DPH1: variants seen among roughly 807,000 people sequenced by gnomAD.
The protein encoded by DPH1 is diphthamide biosynthesis 1, also known as 2-(3-amino-3-carboxypropyl)histidine synthase subunit 1.
In DPH1, 59 loss-of-function variants were observed where a neutral mutation model predicts 55.3. The observed-to-expected ratio is 1.07, with a 90% CI of 0.87 to 1.33. The LOEUF (loss-of-function observed/expected upper bound fraction) is 1.33. DPH1 is among the 40% of genes most tolerant of loss of function. The pLI, the probability that DPH1 is intolerant of heterozygous loss-of-function variation, is 0.00. For synonymous variants in DPH1, 238 were observed against 235.5 expected, an observed-to-expected ratio of 1.01 and a Z score of -0.10; for missense variants, 628 against 584.8, an observed-to-expected ratio of 1.07 and a Z score of -0.76.
intron 1 of DPH1, among the ~76,000 whole-genome samples, chr17:2,032,723 C>G (rs2067347083): frequency 6.6e-6 from 1 of 152,186 alleles, no homozygotes; most frequent in South Asian, 2.1e-4. Context: ...TGATGGCTTA[C>G]AAGCAAAGGG....
At position 2,033,827 on chromosome 17, in the gene DPH1, T is replaced by C; in HGVS notation, c.263T>C (p.Val88Ala). The C allele has an allele frequency of 6.2e-7, 1 of 1,614,150 alleles. No homozygotes were observed. The highest frequency in any genetic ancestry group is 8.5e-7 in the Non-Finnish European group (1 of 1,180,026). Residue 88 changes from valine (V) to alanine (A), a missense_variant, in exon 3 of 13, where the codon GTG becomes GCG. By Grantham distance (64) the Val-to-Ala change is moderately conservative. Coordinates refer to ENST00000263083, the MANE Select transcript of DPH1 (RefSeq NM_001383.6). ...EGLLLFACTI[V>A]DILERFTEAE... is the part of the protein sequence containing the mutation. ...CTCCTCCTCTTTGCCTGTACCATTGTGGATATCTTGGAAAGGTGAGGCTTG... is the reference window on the plus strand; with the variant it reads ...CTCCTCCTCTTTGCCTGTACCATTGCGGATATCTTGGAAAGGTGAGGCTTG...
intron 10 of DPH1, 123 bp from the exon 11 acceptor site, chr17:2,041,358 C>T (rs755430421): frequency 5.4e-6 from 8 of 1,484,806 alleles, no homozygotes; most frequent in South Asian, 1.3e-5. Flanking sequence ...CCCTGAACCA[C>T]ACAGTTCCCT....
At chr17:2,035,849 C>T (rs914224983) in intron 3 of DPH1, 121 bp from the exon 4 acceptor site, 12 of 1,459,374 alleles carry the variant, frequency 8.2e-6, no homozygotes, top group Admixed American at 2.0e-5. Flanking sequence ...GCTGCCATCC[C>T]GAGGAACTGG....
At chr17:2,035,084 CAG>C (rs2067392642) in intron 3 of DPH1, 2 of 151,972 alleles carry the variant, frequency 1.3e-5, no homozygotes, top group Admixed American at 1.3e-4. Flanking sequence ...GGGTGACTAG[CAG>C]GAGCTCAACT....
intron 10 of DPH1, 115 bp from the exon 11 acceptor site, chr17:2,041,366 C>T (rs1406262263): frequency 2.0e-6 from 3 of 1,490,776 alleles, no homozygotes; most frequent in South Asian, 2.6e-5. Context: ...CACACAGTTC[C>T]CTTCTGTGGC....
intron 1 of DPH1, among the ~76,000 whole-genome samples, chr17:2,031,988 G>A (rs2067338189): frequency 6.6e-6 from 1 of 152,086 alleles, no homozygotes; most frequent in African/African-American, 2.4e-5. Context: ...ATCCTTCCTG[G>A]TTTAAGAGTA....
In DPH1 at chr17:2,042,990, G is replaced by A. The variant is rs1567550800; in HGVS notation, c.*404G>A. On this transcript the variant is annotated 3_prime_UTR_variant, in exon 13 of 13. Transcript: ENST00000263083. ...TCCCCTCTCAGGAGAGTGTGCAACT[G>A]GCCAGCCAATTTCCCGGAGCCATCA... is the stretch of plus-strand genomic sequence containing the variant. The A allele has an allele frequency of 8.7e-6, 14 of 1,614,090 alleles. No individual in the cohort carries two copies. The highest frequency in any genetic ancestry group is 1.3e-5 in the African/African-American group (1 of 75,046).
chr17:2,040,923 A>T, intron 9 of DPH1, 180 bp from the exon 10 acceptor site: 1 of 689,756 alleles, frequency 1.4e-6, no homozygotes, highest in Non-Finnish European at 2.5e-6. Context: ...TCGGCAGAGG[A>T]AACAGGAGAA....
chr17:2,039,807 A>C lies in DPH1; in HGVS notation c.733A>C (p.Asn245His), dbSNP rs373680734. 198 of 1,614,080 alleles carry C rather than the reference A, an allele frequency of 1.2e-4. 2 individuals carry two copies. The highest frequency in any genetic ancestry group is 1.0e-3 in the South Asian group (91 of 91,076). Reference protein sequence around the residue: ...HLESVMIANPNVPAYRYDPYS... With the variant: ...HLESVMIANPHVPAYRYDPYS... ...GGAGTCTGTCATGATTGCCAACCCC[A>C]ATGTCCCCGCTTACCGGTATGGGCT... The change falls in exon 7 of 13, where the codon AAT (asparagine) becomes CAT (histidine). Residue 245 changes from asparagine (N) to histidine (H), a missense_variant. Physicochemically the swap from Asn to His is moderately conservative, Grantham distance 68 (BLOSUM62 1). Transcript: ENST00000263083.
chr17:2,036,818 C>T lies in DPH1; in HGVS notation c.559-17C>T. The T allele has an allele frequency of 3.7e-6, 6 of 1,612,682 alleles. No homozygotes were observed. The highest frequency in any genetic ancestry group is 5.1e-6 in the Non-Finnish European group (6 of 1,179,412). On this transcript the variant is annotated splice_polypyrimidine_tract_variant and intron_variant, in intron 5 of 12. Transcript: ENST00000263083. The surrounding 1 kb of genome is among the most constrained non-coding windows in gnomAD (Gnocchi z 4.8). ...CTGCCCCAGCCGCTGGCTTCACTTC[C>T]CTCGTCATTCCTACAGGCAGCCGCC...
chr17:2,035,384 C>T (rs1715533657), intron 3 of DPH1, among the ~76,000 whole-genome samples: 1 of 64,956 alleles, frequency 1.5e-5, no homozygotes, highest in African/African-American at 4.9e-5. Flanking sequence ...CCATCCTGGG[C>T]ACCAAGGGCC....
chr17:2,033,434 G>T, intron 1 of DPH1, 71 bp from the exon 2 acceptor site: 4 of 1,608,526 alleles, frequency 2.5e-6, no homozygotes, highest in Non-Finnish European at 3.4e-6. Context: ...CCCTGAAAAG[G>T]GATCCCTATT....
chr17:2,042,128 GGCGCTGAGGAAGGCGCTGCGGGGTC>G (rs1409391146), intron 12 of DPH1: 1 of 1,558,700 alleles, frequency 6.4e-7, no homozygotes, highest in Non-Finnish European at 8.6e-7. Flanking sequence ...AGAAGACCGG[GGCGCTGAGGAAGGCGCTGCGGGGTC>G]GCGCCGAGCT....
Position 2,042,804 on chromosome 17 carries a change from G to GT in DPH1, c.*219dup. On this transcript the variant is annotated 3_prime_UTR_variant, in exon 13 of 13. Transcript: ENST00000263083. Reference sequence around the variant, plus strand: ...AAGGGGCTGCGCTAGCAGCCCTTGTGTGTGCCCTGGGCCAGGCAGGCGATC... The same window carrying GT: ...AAGGGGCTGCGCTAGCAGCCCTTGTGTTGTGCCCTGGGCCAGGCAGGCGATC... 5.6e-6 allele frequency: 9 copies of GT among 1,614,004 alleles called. No homozygotes were observed. Among genetic ancestry groups the GT allele is most frequent in the Non-Finnish European group, 7.6e-6 (9 of 1,180,006 alleles).
chr17:2,043,399 T>C lies in DPH1; in HGVS notation c.*813T>C. 1 of 353,228 alleles carries C rather than the reference T, an allele frequency of 2.8e-6. No individual in the cohort carries two copies. 21.9% of individuals were successfully genotyped at this position (353,228 alleles called of 1,614,324 possible). On this transcript the variant is annotated 3_prime_UTR_variant, in exon 13 of 13. Transcript: ENST00000263083. ...AGGCAGAGGCTGGCACCATGGTGAC[T>C]GCCACATAATAAAGTGGTGATTTGG...
At position 2,042,643 on chromosome 17, in the gene DPH1, T is replaced by C. The variant is rs1597291856; in HGVS notation, c.*57T>C. 4 of 1,519,580 alleles carry C rather than the reference T, an allele frequency of 2.6e-6. No individual in the cohort carries two copies. The highest frequency in any genetic ancestry group is 2.3e-5 in the Admixed American group (1 of 44,126). The allele number at this position is 1,519,580 out of a possible 1,614,324, so 94.1% of individuals were successfully genotyped here. On this transcript the variant is annotated 3_prime_UTR_variant, in exon 13 of 13. Transcript: ENST00000263083. The stretch of plus-strand genomic sequence containing the variant: ...GGAGGAGCAGCCTCGAGGCTGGTGG[T>C]TTTCAGAGCAGGAGGCCGACGTTTT...
rs1327148365 is a variant in DPH1, at chr17:2,036,300, G to A, written c.400+209G>A. On this transcript the variant is annotated intron_variant, in intron 4 of 12. Transcript: ENST00000263083. This position sits in a 1 kb window ranked among gnomAD's most constrained non-coding sequence, Gnocchi z 4.8. Reference sequence around the variant, plus strand: ...GCAACGGTGCTCTGTCCCAGATGCAGGTGTTTGAAAGGCTGTTGGTTGTAG... The same window carrying A: ...GCAACGGTGCTCTGTCCCAGATGCAAGTGTTTGAAAGGCTGTTGGTTGTAG... 12 of 1,111,690 alleles carry A rather than the reference G, an allele frequency of 1.1e-5. No individual in the cohort carries two copies. The Admixed American group carries it at 2.8e-4, about 26-fold the overall frequency. 68.9% of individuals were successfully genotyped at this position (1,111,690 alleles called of 1,614,324 possible). A position where few individuals can be genotyped will look rare whatever the true frequency, so the allele number is the denominator to read the frequency against.
chr17:2,042,181 C>A, intron 12 of DPH1: 2 of 1,441,728 alleles, frequency 1.4e-6, no homozygotes, highest in Non-Finnish European at 1.8e-6. Context: ...CTCAGCGGCC[C>A]GCACCCGGTC....
chr17:2,036,872 G>C lies in DPH1; in HGVS notation c.596G>C (p.Ser199Thr). 6.2e-7 allele frequency: 1 copy of C among 1,613,762 alleles called. No individual in the cohort carries two copies. The highest frequency in any genetic ancestry group is 8.5e-7 in the Non-Finnish European group (1 of 1,179,984). ...AQELKAEYRV[S>T]VPQCKPLSPG... ...GAGCTGAAAGCCGAGTATCGTGTGA[G>C]TGTCCCACAGTGCAAGCCCCTGTCC... The change falls in exon 6 of 13, where the codon AGT becomes ACT. Residue 199 changes from serine (S) to threonine (T), a missense_variant. Coordinates refer to ENST00000263083, the MANE Select transcript of DPH1 (RefSeq NM_001383.6). This position sits in a 1 kb window ranked among gnomAD's most constrained non-coding sequence, Gnocchi z 4.8.
Sources: gnomAD v4.1 joint callset for allele counts (sites outside exome capture counted in the v4.1 genomes callset) on GRCh38, gnomAD v4.1.1 for gene constraint, Gnocchi (gnomAD v3.1) non-coding constraint, MANE v1.5 for transcripts, NCBI Gene and HGNC (gene_info 2026-07-23, HGNC 2026-07-21) for gene names.